Variants in DIXDC1 observed in about 807,000 individuals in gnomAD.
DIXDC1 encodes the protein DIX domain containing 1, also known as dixin.
DIXDC1 carries 64 observed loss-of-function variants against 103.1 expected under a neutral mutation model. The ratio of observed to expected loss-of-function variants is 0.62; its 90% CI spans 0.51 to 0.76. DIXDC1 has a LOEUF of 0.76. DIXDC1 is among the 30% of genes least tolerant of loss of function. The pLI, the probability that DIXDC1 is intolerant of heterozygous loss-of-function variation, is 0.00. For missense variants in DIXDC1, 759 were observed against 834.2 expected, an observed-to-expected ratio of 0.91 and a Z score of 1.11; for synonymous variants, 266 against 298.5, an observed-to-expected ratio of 0.89 and a Z score of 1.12.
At chr11:111,947,827 CAAT>C (rs2137461493) in intron 1 of DIXDC1, among the ~76,000 whole-genome samples, 1 of 152,154 alleles carries the variant, frequency 6.6e-6, no homozygotes, top group South Asian at 2.1e-4. Flanking sequence ...TTTTTTTCAT[CAAT>C]GATTTAATTG....
rs1860022563 is a variant in DIXDC1 at position 111,974,134 on chromosome 11, C to T, written c.428C>T (p.Pro143Leu). 1 of 1,614,034 alleles carries T rather than the reference C, an allele frequency of 6.2e-7. No homozygotes were observed. Among genetic ancestry groups the T allele is most frequent in the African/African-American group, 1.3e-5 (1 of 75,048 alleles). The change falls in exon 4 of 20, where the codon CCT becomes CTT. Residue 143 changes from proline to leucine, a missense_variant. By Grantham distance (98) the Pro-to-Leu change is moderately conservative. Transcript: ENST00000440460. Reference protein sequence around the residue: ...TVNQGRDSRAPLQSHRPHCAT... With the variant: ...TVNQGRDSRALLQSHRPHCAT... ...AACCAAGGACGGGACTCCAGAGCCC[C>T]TCTGCAAAGTCACCGACCACACTGT...
intron 6 of DIXDC1, 116 bp downstream of exon 6, chr11:111,980,965 A>G: frequency 2.6e-6 from 2 of 777,210 alleles, no homozygotes; most frequent in South Asian, 1.8e-5. Context: ...CTGTGCGTGC[A>G]GGGTCAGCAC....
chr11:112,013,893 A>G (rs587769550), intron 17 of DIXDC1, among the ~76,000 whole-genome samples: 11 of 152,258 alleles, frequency 7.2e-5, no homozygotes, highest in South Asian at 2.1e-4. Flanking sequence ...GAAAGCCTCA[A>G]TCGGCTTTCA....
At chr11:111,938,923 G>A (rs35529010) in intron 1 of DIXDC1, among the ~76,000 whole-genome samples, 2 of 152,198 alleles carry the variant, frequency 1.3e-5, no homozygotes, top group African/African-American at 2.4e-5. Flanking sequence ...CTGAACACAC[G>A]TAAGGGGATT....
At chr11:111,959,023 A>G (rs1859487570) in intron 1 of DIXDC1, among the ~76,000 whole-genome samples, 1 of 152,098 alleles carries the variant, frequency 6.6e-6, no homozygotes, top group East Asian at 1.9e-4. Context: ...TGAGCTACCC[A>G]CTGCACGTCT....
chr11:111,947,523 T>A (rs1966638322), intron 1 of DIXDC1, among the ~76,000 whole-genome samples: 1 of 152,214 alleles, frequency 6.6e-6, no homozygotes. Flanking sequence ...TAAGTCAGTT[T>A]CTTCAGAGCT....
At chr11:111,956,492 T>C (rs1235365758) in intron 1 of DIXDC1, among the ~76,000 whole-genome samples, 3 of 152,106 alleles carry the variant, frequency 2.0e-5, no homozygotes, top group Non-Finnish European at 2.9e-5. Flanking sequence ...ATAGTAATAA[T>C]AATAATTTTT....
chr11:111,977,164 A>ACCCCCCCCCCCC lies in DIXDC1; in HGVS notation c.656+2185_656+2186insCCCCCCCCCCCC. The stretch of plus-strand genomic sequence containing the variant: ...CGTCGACGTCCCCACCCCCACCTCC[A>ACCCCCCCCCCCC]CCCCGCCCAGCCCCGCCCCTGGCCC... On this transcript the variant is annotated intron_variant, in intron 5 of 19. Transcript: ENST00000440460. This position sits in a 1 kb window ranked among gnomAD's most constrained non-coding sequence, Gnocchi z 6.1. 2 of 504,172 alleles carry ACCCCCCCCCCCC rather than the reference A, an allele frequency of 4.0e-6. No homozygotes were observed. Among genetic ancestry groups the ACCCCCCCCCCCC allele is most frequent in the Non-Finnish European group, 5.0e-6 (2 of 397,196 alleles). The allele number at this position is 504,172 out of a possible 1,614,324, so 31.2% of individuals were successfully genotyped here.
chr11:111,940,155 C>T (rs998977224), intron 1 of DIXDC1, among the ~76,000 whole-genome samples: 7 of 152,232 alleles, frequency 4.6e-5, no homozygotes, highest in African/African-American at 1.4e-4. Context: ...TCCCTCTACC[C>T]ACTGTTGGCT....
At chr11:111,988,565 C>T (rs901118662) in intron 9 of DIXDC1, among the ~76,000 whole-genome samples, 1 of 152,096 alleles carries the variant, frequency 6.6e-6, no homozygotes, top group Non-Finnish European at 1.5e-5. Context: ...CCTCTTGGAT[C>T]AGAAACACTC....
Position 111,974,158 on chromosome 11 carries a change from G to A in DIXDC1, c.452G>A (p.Cys151Tyr). The A allele has an allele frequency of 6.2e-6, 10 of 1,614,046 alleles. No homozygotes were observed. Among genetic ancestry groups the A allele is most frequent in the Non-Finnish European group, 8.5e-6 (10 of 1,179,900 alleles). ...CCTCTGCAAAGTCACCGACCACACTGTGCCACTGCTGTTGCCCAGGGAGCA... is the reference window on the plus strand; with the variant it reads ...CCTCTGCAAAGTCACCGACCACACTATGCCACTGCTGTTGCCCAGGGAGCA... Reference protein sequence around the residue: ...RAPLQSHRPHCATAVAQGAAA... With the variant: ...RAPLQSHRPHYATAVAQGAAA... Residue 151 changes from cysteine (C) to tyrosine (Y), a missense_variant, in exon 4 of 20, where the codon TGT becomes TAT. Cys to Tyr is a radical substitution (Grantham distance 194). Transcript: ENST00000440460.
Position 111,977,152 on chromosome 11 carries a change from A to C in DIXDC1, c.656+2169A>C, listed in dbSNP as rs1470809204. 4.6e-5 allele frequency: 24 copies of C among 517,354 alleles called. No homozygotes were observed. The highest frequency in any genetic ancestry group is 1.5e-4 in the African/African-American group (7 of 46,498). The allele number at this position is 517,354 out of a possible 1,614,324, so 32.0% of individuals were successfully genotyped here. On this transcript the variant is annotated intron_variant, in intron 5 of 19. Coordinates refer to ENST00000440460, the MANE Select transcript of DIXDC1 (RefSeq NM_001037954.4). The surrounding 1 kb of genome is among the most constrained non-coding windows in gnomAD (Gnocchi z 6.1). ...CCCCCAACCCCTCGTCGACGTCCCC[A>C]CCCCCACCTCCACCCCGCCCAGCCC...
chr11:112,008,085 G>A (rs1861293869), intron 17 of DIXDC1, among the ~76,000 whole-genome samples: 1 of 149,998 alleles, frequency 6.7e-6, no homozygotes, highest in Non-Finnish European at 1.5e-5. Flanking sequence ...GACACACATA[G>A]GCTCAAATAA....
chr11:111,930,776 T>C (rs587725675), intron 2 of DIXDC1, among the ~76,000 whole-genome samples: 1 of 151,864 alleles, frequency 6.6e-6, no homozygotes, highest in Admixed American at 6.6e-5. Context: ...GATGCCAGGA[T>C]TGCTTGAGGC....
chr11:111,982,695 C>T (rs942134171), intron 7 of DIXDC1, among the ~76,000 whole-genome samples: 4 of 152,186 alleles, frequency 2.6e-5, no homozygotes, highest in African/African-American at 9.7e-5. Context: ...TAGCACAGCG[C>T]TTAAGATTTC....
chr11:111,953,290 A>T (rs984492886), intron 1 of DIXDC1, among the ~76,000 whole-genome samples: 1 of 152,062 alleles, frequency 6.6e-6, no homozygotes, highest in Non-Finnish European at 1.5e-5. Context: ...TATGTTTTTG[A>T]ATAGCTCTTT....
intron 17 of DIXDC1, 126 bp from the exon 18 acceptor site, chr11:112,016,565 G>GC (rs1566587594): frequency 1.5e-6 from 1 of 689,042 alleles, no homozygotes; most frequent in Non-Finnish European, 2.3e-6. Flanking sequence ...ATTGTGTTTG[G>GC]CAAGGGTGTG....
At chr11:111,980,210 C>T (rs1345835507) in intron 5 of DIXDC1, among the ~76,000 whole-genome samples, 1 of 152,188 alleles carries the variant, frequency 6.6e-6, no homozygotes, top group Non-Finnish European at 1.5e-5. Flanking sequence ...TCCCCTTGAA[C>T]CACCCCCACC....
Position 112,017,866 on chromosome 11 carries a change from T to A in DIXDC1, c.1952T>A (p.Phe651Tyr). 1 of 1,610,010 alleles carries A rather than the reference T, an allele frequency of 6.2e-7. No homozygotes were observed. The highest frequency in any genetic ancestry group is 2.2e-5 in the East Asian group (1 of 44,808). The change falls in exon 19 of 20, where the codon TTT becomes TAT. Residue 651 changes from phenylalanine (F) to tyrosine (Y), a missense_variant. Around this residue, in one of 3 missense-constraint regions of DIXDC1, gnomAD observed 657 missense variants for 727.5 expected, o/e 0.90. Coordinates refer to ENST00000440460, the MANE Select transcript of DIXDC1 (RefSeq NM_001037954.4). This position sits in a 1 kb window ranked among gnomAD's most constrained non-coding sequence, Gnocchi z 4.0. ...CACTTCAAAGCACTGGATCCTGAGTTTGGCACTGTCAAAGAGGAGGTAAAG... is the reference window on the plus strand; with the variant it reads ...CACTTCAAAGCACTGGATCCTGAGTATGGCACTGTCAAAGAGGAGGTAAAG... ...RYHFKALDPE[F>Y]GTVKEEIFHD...
Sources: gnomAD v4.1 joint callset for allele counts (sites outside exome capture counted in the v4.1 genomes callset) on GRCh38, gnomAD v4.1.1 for gene constraint, gnomAD v4.1.1 regional missense constraint, Gnocchi (gnomAD v3.1) non-coding constraint, MANE v1.5 for transcripts, NCBI Gene and HGNC (gene_info 2026-07-23, HGNC 2026-07-21) for gene names.